The following CSMD1 variants were observed in gnomAD, a reference collection of about 807,000 sequenced individuals.
CSMD1 encodes the protein CUB and Sushi multiple domains 1, also known as CUB and sushi domain-containing protein 1.
CSMD1 carries 213 observed loss-of-function variants against 417.5 expected under a neutral mutation model. That is an observed-to-expected ratio of 0.51 (90% CI 0.46 to 0.57). The LOEUF (loss-of-function observed/expected upper bound fraction) is 0.57, where lower values mean the gene tolerates loss of function less well. CSMD1 is among the 20% of genes least tolerant of loss of function. The pLI is 0.00. For synonymous variants in CSMD1, 2,862 were observed against 1,736.8 expected (o/e 1.65, Z -16.11); for missense variants, 6,923 against 4,529.7 (o/e 1.53, Z -15.17).
At chr8:4,011,581 G>C (rs1043576648) in intron 4 of CSMD1, among the ~76,000 whole-genome samples, 1 of 152,060 alleles carries the variant, frequency 6.6e-6, no homozygotes, top group African/African-American at 2.4e-5. Flanking sequence ...TCAGTTCCTA[G>C]GATTCATCTC....
At chr8:4,253,259 G>C (rs536072555) in intron 3 of CSMD1, among the ~76,000 whole-genome samples, 3 of 152,230 alleles carry the variant, frequency 2.0e-5, no homozygotes, top group South Asian at 2.1e-4. Flanking sequence ...CAAAAAGCTT[G>C]ATGTTAAGAC....
chr8:3,275,058 G>T (rs1395601820), intron 26 of CSMD1, among the ~76,000 whole-genome samples: 1 of 152,110 alleles, frequency 6.6e-6, no homozygotes, highest in Non-Finnish European at 1.5e-5. Context: ...ATTTTGCCGT[G>T]CCTGGTACCT....
chr8:3,160,304 G>A (rs921965735), intron 38 of CSMD1, among the ~76,000 whole-genome samples: 1 of 152,014 alleles, frequency 6.6e-6, no homozygotes, highest in Non-Finnish European at 1.5e-5. Context: ...TGTATTTTTT[G>A]TAGAGATGGT....
At chr8:4,064,929 TA>T (rs35007277) in intron 3 of CSMD1, among the ~76,000 whole-genome samples, 57,200 of 148,724 alleles carry the variant, frequency 0.38, 11,469 homozygotes, top group East Asian at 0.78. Flanking sequence ...GACCTAGGCT[TA>T]AAAAAAAAAA....
chr8:4,452,250 G>T (rs572004710), intron 2 of CSMD1, among the ~76,000 whole-genome samples: 2 of 152,070 alleles, frequency 1.3e-5, no homozygotes, highest in African/African-American at 4.8e-5. Flanking sequence ...CAAACTGAAC[G>T]CCTCAGCTCC....
At chr8:3,775,839 G>T (rs564717703) in intron 5 of CSMD1, among the ~76,000 whole-genome samples, 2 of 152,220 alleles carry the variant, frequency 1.3e-5, no homozygotes, top group Admixed American at 1.3e-4. Flanking sequence ...CCAACGCGCA[G>T]GGTTGTTACT....
At chr8:4,557,429 GTTT>G (rs146510022) in intron 2 of CSMD1, among the ~76,000 whole-genome samples, 2 of 146,032 alleles carry the variant, frequency 1.4e-5, no homozygotes, top group Non-Finnish European at 3.0e-5. Flanking sequence ...AATCTGCGAG[GTTT>G]TTTTTTTTTG....
intron 1 of CSMD1, among the ~76,000 whole-genome samples, chr8:4,883,993 T>C (rs1803570501): frequency 6.6e-6 from 1 of 152,040 alleles, no homozygotes; most frequent in African/African-American, 2.4e-5. Flanking sequence ...TCTACAATAC[T>C]TGCTATTGTC....
In CSMD1 at chr8:3,857,451, T is replaced by C. The variant is rs2930354; in HGVS notation, c.819-103409A>G. Among the ~76,000 whole-genome samples the C allele has an allele frequency of 3.2e-3, 493 of 152,198 alleles. 5 individuals carry two copies. The highest frequency in any genetic ancestry group is 0.012 in the African/African-American group (478 of 41,556). ...GGTAAATCCAAGCCAGATGGGACCT[T>C]GGAGAACTTCTGGACAAATATCCCA... On this transcript the variant is annotated intron_variant, in intron 5 of 69. Coordinates refer to ENST00000635120, the MANE Select transcript of CSMD1 (RefSeq NM_033225.6).
intron 49 of CSMD1, among the ~76,000 whole-genome samples, chr8:3,081,934 C>CA (rs1017185754): frequency 1.3e-4 from 20 of 152,108 alleles, no homozygotes; most frequent in African/African-American, 4.3e-4. Context: ...GCACAAATGT[C>CA]AAAATCAATT....
chr8:4,658,388 A>G (rs1431520875), intron 1 of CSMD1, among the ~76,000 whole-genome samples: 2 of 152,140 alleles, frequency 1.3e-5, no homozygotes, highest in Non-Finnish European at 1.5e-5. Context: ...AGATCCTTAG[A>G]AAGAGCACCT....
At chr8:3,894,106 C>A (rs991766820) in intron 5 of CSMD1, among the ~76,000 whole-genome samples, 1 of 152,192 alleles carries the variant, frequency 6.6e-6, no homozygotes, top group Non-Finnish European at 1.5e-5. Context: ...GGTGTTCCGT[C>A]TATTCTGCAC....
chr8:3,481,204 T>A (rs1165444676), intron 11 of CSMD1, among the ~76,000 whole-genome samples: 1 of 149,020 alleles, frequency 6.7e-6, no homozygotes, highest in African/African-American at 2.5e-5. Context: ...AGACCTGCCC[T>A]TAATGGTTGG....
intron 3 of CSMD1, among the ~76,000 whole-genome samples, chr8:4,344,845 A>G (rs560600450): frequency 6.6e-6 from 1 of 152,290 alleles, no homozygotes; most frequent in Non-Finnish European, 1.5e-5. Context: ...GATCTTTGAG[A>G]ACCTTTAAAA....
chr8:4,151,307 G>T (rs188187195), intron 3 of CSMD1, among the ~76,000 whole-genome samples: 1 of 152,272 alleles, frequency 6.6e-6, no homozygotes, highest in African/African-American at 2.4e-5. Context: ...CCTTGTTATA[G>T]ATCCTAAGAT....
At chr8:4,910,329 T>G (rs1394897226) in intron 1 of CSMD1, among the ~76,000 whole-genome samples, 1 of 152,244 alleles carries the variant, frequency 6.6e-6, no homozygotes, top group African/African-American at 2.4e-5. Context: ...TCTGTCAATG[T>G]TGATGATGTA....
intron 17 of CSMD1, among the ~76,000 whole-genome samples, chr8:3,394,766 A>G (rs1382007574): frequency 6.6e-6 from 1 of 152,202 alleles, no homozygotes; most frequent in African/African-American, 2.4e-5. Context: ...TAAAGAAACA[A>G]AATGTAAAAT....
chr8:3,630,355 C>T (rs933393109), intron 7 of CSMD1, among the ~76,000 whole-genome samples: 23 of 152,298 alleles, frequency 1.5e-4, no homozygotes, highest in Admixed American at 1.2e-3. Context: ...GCCCAGTAAA[C>T]AGCAGAAGCC....
chr8:4,690,617 T>C (rs1043329437), intron 1 of CSMD1, among the ~76,000 whole-genome samples: 1 of 152,242 alleles, frequency 6.6e-6, no homozygotes, highest in Non-Finnish European at 1.5e-5. Flanking sequence ...TCCTCAGTCA[T>C]GTGAATACAG....
Sources: gnomAD v4.1 joint callset for allele counts (sites outside exome capture counted in the v4.1 genomes callset) on GRCh38, gnomAD v4.1.1 for gene constraint, MANE v1.5 for transcripts, NCBI Gene and HGNC (gene_info 2026-07-23, HGNC 2026-07-21) for gene names.